The following GIN1 variants were observed in gnomAD, a reference collection of about 807,000 sequenced individuals.
GIN1 encodes the protein gypsy retrotransposon integrase 1.
Under a neutral mutation model 51.4 loss-of-function variants are expected in GIN1, and 41 were observed. The observed-to-expected ratio is 0.80, with a 90% confidence interval of 0.62 to 1.04. The LOEUF (loss-of-function observed/expected upper bound fraction) is 1.04. Among genes scored for constraint, GIN1 ranks in the 50% least tolerant of loss-of-function variants. The pLI, the probability that GIN1 is intolerant of heterozygous loss-of-function variation, is 0.00. For synonymous variants in GIN1, 222 were observed against 206.5 expected (o/e 1.07, Z -0.64); for missense variants, 610 against 612.4 (o/e 1.00, Z 0.04).
At chr5:103,100,276 T>G (rs781917613) in intron 4 of GIN1, among the ~76,000 whole-genome samples, 1 of 152,010 alleles carries the variant, frequency 6.6e-6, no homozygotes, top group Non-Finnish European at 1.5e-5. Context: ...ATTGTTGCAT[T>G]TTTTGTAGAG....
chr5:103,117,781 C>G (rs1238565793), intron 1 of GIN1, among the ~76,000 whole-genome samples: 1 of 151,994 alleles, frequency 6.6e-6, no homozygotes, highest in Admixed American at 6.6e-5. Flanking sequence ...AGTTTTATAT[C>G]CATTTTACAG....
intron 7 of GIN1, among the ~76,000 whole-genome samples, chr5:103,091,737 GGT>G (rs1353061658): frequency 1.3e-5 from 2 of 151,608 alleles, no homozygotes; most frequent in African/African-American, 4.8e-5. Context: ...TAATCCCAGG[GGT>G]CTCAGCCAGG....
At chr5:103,109,676 T>C (rs1431142204) in intron 1 of GIN1, among the ~76,000 whole-genome samples, 2 of 152,152 alleles carry the variant, frequency 1.3e-5, no homozygotes, top group African/African-American at 4.8e-5. Context: ...CTCTATAAAG[T>C]ATTATAAGAC....
intron 1 of GIN1, among the ~76,000 whole-genome samples, chr5:103,117,155 A>G (rs1554197461): frequency 6.6e-6 from 1 of 152,096 alleles, no homozygotes; most frequent in Non-Finnish European, 1.5e-5. Context: ...CAACTGGTGA[A>G]TGGATAAACA....
chr5:103,117,778 T>C (rs548744426), intron 1 of GIN1, among the ~76,000 whole-genome samples: 1 of 152,220 alleles, frequency 6.6e-6, no homozygotes, highest in East Asian at 1.9e-4. Context: ...ATTAGTTTTA[T>C]ATCCATTTTA....
rs1554195206 is a variant in GIN1 at position 103,097,371 on chromosome 5, T to C, written c.951A>G (p.Leu317=). 1 of 1,599,696 alleles carries C rather than the reference T, an allele frequency of 6.3e-7. No homozygotes were observed. Among genetic ancestry groups the C allele is most frequent in the Non-Finnish European group, 8.6e-7 (1 of 1,167,284 alleles). ...GDNTSMFAKI[L]DAIKEADKIM... ...TTTTATCAGCTTCTTTAATTGCATCTAGAATTTTGGCAAACATACTTGTAT... is the reference window on the plus strand; with the variant it reads ...TTTTATCAGCTTCTTTAATTGCATCCAGAATTTTGGCAAACATACTTGTAT... Residue 317 remains leucine, a synonymous_variant, in exon 6 of 8, where the codon CTA becomes CTG. Coordinates refer to ENST00000399004, the MANE Select transcript of GIN1 (RefSeq NM_017676.2).
chr5:103,104,576 T>G lies in GIN1; in HGVS notation c.604A>C (p.Ile202Leu), dbSNP rs782160251. ...AATTCATCTCTTTGGTCCATTATTA[T>G]TTTCTGAGGAGGTCCATATAAGAAA... is the stretch of plus-strand genomic sequence containing the variant. Reference protein sequence around the residue: ...IFFLYGPPQKIIMDQRDEFIQ... With the variant: ...IFFLYGPPQKLIMDQRDEFIQ... Residue 202 changes from isoleucine to leucine, a missense_variant, in exon 4 of 8, where the codon ATA (isoleucine) becomes CTA (leucine). Ile to Leu is a conservative substitution (Grantham distance 5). Transcript: ENST00000399004. The G allele has an allele frequency of 2.8e-5, 43 of 1,549,974 alleles. No individual in the cohort carries two copies. Among genetic ancestry groups the G allele is most frequent in the South Asian group, 1.0e-4 (9 of 89,280 alleles).
chr5:103,118,720 C>T (rs1473858212), intron 1 of GIN1, among the ~76,000 whole-genome samples: 8 of 86,854 alleles, frequency 9.2e-5, no homozygotes, highest in Non-Finnish European at 1.8e-4. Context: ...AATTGGTATT[C>T]ATATACAAAA....
At chr5:103,107,232 A>G (rs1787752713) in intron 2 of GIN1, among the ~76,000 whole-genome samples, 2 of 152,084 alleles carry the variant, frequency 1.3e-5, no homozygotes, top group Admixed American at 1.3e-4. Flanking sequence ...AAGTAGGAAG[A>G]TTTTGCAGGC....
chr5:103,089,982 AAAAAT>A (rs1209140622), intron 7 of GIN1, among the ~76,000 whole-genome samples: 6 of 152,126 alleles, frequency 3.9e-5, no homozygotes, highest in Non-Finnish European at 5.9e-5. Context: ...AAAGACAAAA[AAAAAT>A]AAAATAAAAT....
chr5:103,110,716 C>T (rs1205001030), intron 1 of GIN1, among the ~76,000 whole-genome samples: 1 of 152,046 alleles, frequency 6.6e-6, no homozygotes, highest in African/African-American at 2.4e-5. Flanking sequence ...AAAGGTTTGG[C>T]AATTCTAATT....
intron 4 of GIN1, among the ~76,000 whole-genome samples, chr5:103,100,973 C>T (rs1375641109): frequency 2.0e-5 from 3 of 152,120 alleles, no homozygotes; most frequent in African/African-American, 7.2e-5. Flanking sequence ...TGTTTCAAGG[C>T]CCCTAGTGAA....
Position 103,106,723 on chromosome 5 carries a change from T to G in GIN1, c.326A>C (p.Lys109Thr). Residue 109 changes from lysine (K) to threonine (T), a missense_variant, in exon 3 of 8, where the codon AAA becomes ACA. Transcript: ENST00000399004. ...TAAATACATAAGCCATACCCACTGT[T>G]TGACATCATTGGTCACAGATGTCCA... ...YYWTSVTNDV[K>T]QWVYACQHCQ... 3.2e-6 allele frequency: 5 copies of G among 1,573,808 alleles called. No homozygotes were observed. The highest frequency in any genetic ancestry group is 4.3e-6 in the Non-Finnish European group (5 of 1,153,280).
Position 103,087,043 on chromosome 5 carries a change from G to T in GIN1, c.*855C>A, listed in dbSNP as rs1468921769. ...GCTGGAGAGCTGTGGCATGAGCGCG[G>T]CTCACTGCAGCCTCGACCTCCTGGG... On this transcript the variant is annotated 3_prime_UTR_variant, in exon 8 of 8. Coordinates refer to ENST00000399004, the MANE Select transcript of GIN1 (RefSeq NM_017676.2). The T allele has an allele frequency of 2.6e-5, 4 of 152,248 alleles. No homozygotes were observed. The highest frequency in any genetic ancestry group is 4.4e-5 in the Non-Finnish European group (3 of 68,070). The allele number at this position is 152,248 out of a possible 1,614,324, so 9.4% of individuals were successfully genotyped here.
intron 3 of GIN1, among the ~76,000 whole-genome samples, chr5:103,105,182 A>G (rs1787690369): frequency 2.6e-5 from 4 of 152,254 alleles, no homozygotes; most frequent in Middle Eastern, 6.8e-3. Context: ...AGTATACAGA[A>G]AGCTGACTTC....
At chr5:103,091,219 A>C (rs763244414) in intron 7 of GIN1, among the ~76,000 whole-genome samples, 8 of 152,200 alleles carry the variant, frequency 5.3e-5, no homozygotes, top group Non-Finnish European at 1.0e-4. Flanking sequence ...TTGAACAAGT[A>C]ATATTTTGGA....
rs782502752 is a variant in GIN1 at position 103,106,715 on chromosome 5, C to T, written c.333+1G>A. The T allele has an allele frequency of 5.2e-6, 8 of 1,539,228 alleles. No homozygotes were observed. The highest frequency in any genetic ancestry group is 6.2e-6 in the Non-Finnish European group (7 of 1,124,954). On this transcript the variant is annotated splice_donor_variant, in intron 3 of 7. Coordinates refer to ENST00000399004, the MANE Select transcript of GIN1 (RefSeq NM_017676.2). LOFTEE classifies it high-confidence loss of function. ...TAATACTCTAAATACATAAGCCATACCCACTGTTTGACATCATTGGTCACA... is the reference window on the plus strand; with the variant it reads ...TAATACTCTAAATACATAAGCCATATCCACTGTTTGACATCATTGGTCACA...
intron 2 of GIN1, among the ~76,000 whole-genome samples, chr5:103,107,260 T>C (rs782690294): frequency 2.0e-5 from 3 of 152,108 alleles, no homozygotes; most frequent in Admixed American, 1.3e-4. Context: ...AAAAATGGCA[T>C]AGATTAGCAA....
chr5:103,088,250 G>A, intron 7 of GIN1, 78 bp from the exon 8 acceptor site: 6 of 793,418 alleles, frequency 7.6e-6, no homozygotes, highest in South Asian at 4.8e-5. Context: ...TTTTAAGTGA[G>A]GAACAAAATC....
Sources: gnomAD v4.1 joint callset for allele counts (sites outside exome capture counted in the v4.1 genomes callset) on GRCh38, gnomAD v4.1.1 for gene constraint, MANE v1.5 for transcripts, NCBI Gene and HGNC (gene_info 2026-07-23, HGNC 2026-07-21) for gene names.